MROH2B: variants seen among roughly 807,000 people sequenced by gnomAD.
MROH2B encodes maestro heat-like repeat-containing protein family member 2B.
MROH2B carries 177 observed loss-of-function variants against 208.6 expected under a neutral mutation model. The ratio of observed to expected loss-of-function variants is 0.85; its 90% CI spans 0.75 to 0.96. The LOEUF is 0.96. Among genes scored for constraint, MROH2B ranks in the 40% least tolerant of loss-of-function variants. The probability of loss-of-function intolerance (pLI) is 0.00; values close to 1 mark genes in which losing one functional copy is unlikely to be tolerated. For missense variants in MROH2B, 2,002 were observed against 1,878.7 expected, an observed-to-expected ratio of 1.07 and a Z score of -1.21; for synonymous variants, 728 against 659.0, an observed-to-expected ratio of 1.10 and a Z score of -1.60.
chr5:40,999,657 A>AAAT lies in MROH2B; in HGVS notation c.4585+17_4585+19dup. On this transcript the variant is annotated intron_variant, in intron 40 of 41. Coordinates refer to ENST00000399564, the MANE Select transcript of MROH2B (RefSeq NM_173489.5). ...GAAAAAGCAGACATATCTGGGTAGGAAATGGGGATGTGTACTCACCTGTGA... is the reference window on the plus strand; with the variant it reads ...GAAAAAGCAGACATATCTGGGTAGGAAATAATGGGGATGTGTACTCACCTGTGA... The AAAT allele has an allele frequency of 1.3e-6, 2 of 1,589,104 alleles. No homozygotes were observed. Among genetic ancestry groups the AAAT allele is most frequent in the Middle Eastern group, 1.7e-4 (1 of 5,980 alleles).
chr5:41,015,771 C>T (rs1028215094), intron 28 of MROH2B, among the ~76,000 whole-genome samples: 6 of 152,156 alleles, frequency 3.9e-5, no homozygotes, highest in Middle Eastern at 3.2e-3. Flanking sequence ...CCAAGGCACA[C>T]GGTGAATAAA....
chr5:41,017,727 TGAGGAAA>T (rs1742002193), intron 28 of MROH2B, 116 bp downstream of exon 28: 6 of 1,074,072 alleles, frequency 5.6e-6, no homozygotes, highest in Non-Finnish European at 7.5e-6. Flanking sequence ...AGGAGGAAAA[TGAGGAAA>T]GAGGAGAGAG....
chr5:41,056,401 G>T (rs1743450094), intron 9 of MROH2B, among the ~76,000 whole-genome samples: 4 of 152,080 alleles, frequency 2.6e-5, no homozygotes, highest in Admixed American at 2.6e-4. Flanking sequence ...AGACAAAGGG[G>T]CCAGTCAGGA....
At chr5:40,999,928 T>G in intron 39 of MROH2B, 149 bp from the exon 40 acceptor site, 1 of 722,778 alleles carries the variant, frequency 1.4e-6, no homozygotes. Flanking sequence ...CTTATGGGTA[T>G]TTTGATCTAC....
Position 41,033,882 on chromosome 5 carries a change from C to CCAGAACCTAA in MROH2B, c.2215-19_2215-18insTTAGGTTCTG. On this transcript the variant is annotated intron_variant, in intron 21 of 41. Coordinates refer to ENST00000399564, the MANE Select transcript of MROH2B (RefSeq NM_173489.5). ...CCCAGAACCTAAAAAAAATCAAAGG[C>CCAGAACCTAA]AAAATTAGATACTCAATGAGTGGCA... The CCAGAACCTAA allele has an allele frequency of 6.5e-7, 1 of 1,548,298 alleles. No homozygotes were observed. The highest frequency in any genetic ancestry group is 8.7e-7 in the Non-Finnish European group (1 of 1,144,888).
In MROH2B at chr5:41,005,421, C is replaced by CA. The variant is rs1397163544; in HGVS notation, c.3864+109_3864+110insT. 186 of 216,650 alleles carry CA rather than the reference C, an allele frequency of 8.6e-4. 13 individuals are homozygous for CA. In the Middle Eastern group the frequency reaches 0.013, roughly 15 times the overall value. 13.4% of individuals were successfully genotyped at this position (216,650 alleles called of 1,614,324 possible). On this transcript the variant is annotated intron_variant, in intron 35 of 41. Transcript: ENST00000399564. ...GGTCTCTCCTCTATGAAACCCCCCCCCCCCTTGAAGTCTCTCTTCCCTGGT... is the reference window on the plus strand; with the variant it reads ...GGTCTCTCCTCTATGAAACCCCCCCCACCCCTTGAAGTCTCTCTTCCCTGGT...
chr5:41,067,362 TTC>T, intron 2 of MROH2B, 144 bp from the exon 3 acceptor site: 1 of 578,192 alleles, frequency 1.7e-6, no homozygotes, highest in Non-Finnish European at 3.0e-6. Flanking sequence ...AATTGAGGCT[TTC>T]TTTTTTTTTT....
chr5:41,027,328 A>C (rs948396485), intron 24 of MROH2B, among the ~76,000 whole-genome samples: 10 of 152,222 alleles, frequency 6.6e-5, no homozygotes, highest in Admixed American at 6.5e-5. Flanking sequence ...CAATGAACTC[A>C]AACAAATTTA....
chr5:41,012,044 C>T (rs6872142), intron 30 of MROH2B, among the ~76,000 whole-genome samples: 3,056 of 152,248 alleles, frequency 0.02, 120 homozygotes, highest in African/African-American at 0.069. Flanking sequence ...GAGGCATTTC[C>T]ATTTGGAGCT....
chr5:41,043,252 C>G (rs1016020399), intron 18 of MROH2B, among the ~76,000 whole-genome samples: 2 of 152,176 alleles, frequency 1.3e-5, no homozygotes, highest in Non-Finnish European at 2.9e-5. Context: ...TATCTCAACT[C>G]CCAGAGTGAC....
At chr5:41,016,351 A>G (rs1008868044) in intron 28 of MROH2B, among the ~76,000 whole-genome samples, 1 of 152,166 alleles carries the variant, frequency 6.6e-6, no homozygotes, top group South Asian at 2.1e-4. Flanking sequence ...TGGGCGTTCT[A>G]TTAACAAAGA....
At chr5:41,022,214 G>A (rs907958497) in intron 24 of MROH2B, among the ~76,000 whole-genome samples, 1 of 152,124 alleles carries the variant, frequency 6.6e-6, no homozygotes, top group African/African-American at 2.4e-5. Context: ...AGGACAGTGG[G>A]TGCAGCCCAC....
At chr5:41,061,773 G>A (rs568931342) in intron 5 of MROH2B, 49 bp from the exon 6 acceptor site, 12 of 1,550,306 alleles carry the variant, frequency 7.7e-6, no homozygotes, top group South Asian at 1.2e-5. Flanking sequence ...TAAGGATGGG[G>A]CAGACGATAA....
At chr5:41,038,333 G>C (rs770276147) in intron 21 of MROH2B, among the ~76,000 whole-genome samples, 4 of 152,146 alleles carry the variant, frequency 2.6e-5, no homozygotes, top group South Asian at 4.1e-4. Context: ...GATCACTACG[G>C]ATATGATTGA....
intron 30 of MROH2B, among the ~76,000 whole-genome samples, chr5:41,010,817 C>A (rs928957504): frequency 6.6e-6 from 1 of 152,052 alleles, no homozygotes; most frequent in Admixed American, 6.6e-5. Context: ...GTTTACTGAT[C>A]GTAACAAATC....
chr5:41,052,716 A>C, intron 11 of MROH2B, 129 bp from the exon 12 acceptor site: 1 of 873,172 alleles, frequency 1.1e-6, no homozygotes, highest in African/African-American at 1.7e-5. Flanking sequence ...TAAATTGAAT[A>C]GTGTTAATAC....
At chr5:41,011,166 A>G (rs1741761844) in intron 30 of MROH2B, among the ~76,000 whole-genome samples, 1 of 152,220 alleles carries the variant, frequency 6.6e-6, no homozygotes. Context: ...TGACATGGAC[A>G]CAGGCATATA....
At chr5:41,045,442 C>T (rs1008217515) in intron 18 of MROH2B, among the ~76,000 whole-genome samples, 3 of 152,152 alleles carry the variant, frequency 2.0e-5, no homozygotes, top group African/African-American at 7.2e-5. Context: ...TGTTAGCCTT[C>T]CAGTATCTAT....
In MROH2B at chr5:41,033,829, C is replaced by CTATCTATT. The variant is rs70988830; in HGVS notation, c.2241+8_2241+9insAATAGATA. 0.19 allele frequency: 249,874 copies of CTATCTATT among 1,318,344 alleles called. 50,681 individuals are homozygous for CTATCTATT. Among genetic ancestry groups the CTATCTATT allele is most frequent in the Admixed American group, 0.25 (11,920 of 47,216 alleles). 81.7% of individuals were successfully genotyped at this position (1,318,344 alleles called of 1,614,324 possible). ...TCTATCTATCTATCTATCTATCTAT[C>CTATCTATT]TCTCCTACCTTGTTCATCACAGACA... On this transcript the variant is annotated intron_variant, in intron 22 of 41. Transcript: ENST00000399564.
Sources: gnomAD v4.1 joint callset for allele counts (sites outside exome capture counted in the v4.1 genomes callset) on GRCh38, gnomAD v4.1.1 for gene constraint, MANE v1.5 for transcripts, NCBI Gene and HGNC (gene_info 2026-07-23, HGNC 2026-07-21) for gene names.